The following ASCC3 variants were observed in gnomAD, a reference collection of about 807,000 sequenced individuals.
ASCC3 encodes activating signal cointegrator 1 complex subunit 3, also known as ASC-1 complex subunit P200.
ASCC3 carries 158 observed loss-of-function variants against 256.3 expected under a neutral mutation model. The observed-to-expected ratio is 0.62, with a 90% CI of 0.54 to 0.70. The LOEUF (loss-of-function observed/expected upper bound fraction) is 0.70. Ranked by LOEUF, ASCC3 falls within the 30% of genes least tolerant of loss-of-function variation. The pLI is 0.00. For synonymous variants in ASCC3, 948 were observed against 883.4 expected (o/e 1.07, Z -1.30); for missense variants, 2,259 against 2,626.0 (o/e 0.86, Z 3.05).
rs556985950 is a variant in ASCC3 at position 100,593,168 on chromosome 6, G to A, written c.5304-3109C>T. ...TTTAATGATTCTAATAGCCAGAAGC[G>A]TACTGAGAAAGCCAGCGGGATCACA... is the stretch of plus-strand genomic sequence containing the variant. On this transcript the variant is annotated intron_variant, in intron 34 of 41. Transcript: ENST00000369162. Among the ~76,000 whole-genome samples, 31 of 152,200 alleles carry A rather than the reference G, an allele frequency of 2.0e-4. 1 individual carries two copies. Among genetic ancestry groups the A allele is most frequent in the Non-Finnish European group, 3.5e-4 (24 of 67,974 alleles).
intron 13 of ASCC3, among the ~76,000 whole-genome samples, chr6:100,688,615 G>A (rs893122765): frequency 6.6e-6 from 1 of 152,136 alleles, no homozygotes; most frequent in African/African-American, 2.4e-5. Flanking sequence ...TAATTCAGAT[G>A]CGTCTCTCTT....
intron 30 of ASCC3, among the ~76,000 whole-genome samples, chr6:100,623,075 G>A (rs778042758): frequency 2.6e-5 from 4 of 152,008 alleles, no homozygotes; most frequent in Non-Finnish European, 5.9e-5. Flanking sequence ...TAAGCCTAGA[G>A]AGATACCACA....
In ASCC3 at chr6:100,739,250, C is replaced by T. The variant is rs71571409; in HGVS notation, c.1738-13547G>A. ...TTATACAATGAATCACATTTATTCA[C>T]TTGCATATGTTGAACCAGCCTTGCA... On this transcript the variant is annotated intron_variant, in intron 10 of 41. Transcript: ENST00000369162. Among the ~76,000 whole-genome samples, 7 of 152,224 alleles carry T rather than the reference C, an allele frequency of 4.6e-5. No homozygotes were observed. The South Asian group carries it at 1.5e-3, about 32-fold the overall frequency.
At chr6:100,580,604 T>C (rs1191547215) in intron 36 of ASCC3, among the ~76,000 whole-genome samples, 2 of 151,586 alleles carry the variant, frequency 1.3e-5, no homozygotes, top group Non-Finnish European at 1.5e-5. Flanking sequence ...TATTATACTT[T>C]AAGTTTTAGG....
intron 37 of ASCC3, among the ~76,000 whole-genome samples, chr6:100,539,502 C>T (rs968969533): frequency 1.3e-5 from 2 of 151,976 alleles, no homozygotes; most frequent in African/African-American, 4.8e-5. Context: ...AACTGCAATA[C>T]TTCTCACTTT....
chr6:100,767,587 A>G (rs945112535), intron 8 of ASCC3, among the ~76,000 whole-genome samples: 3 of 141,594 alleles, frequency 2.1e-5, no homozygotes, highest in Admixed American at 7.5e-5. Context: ...CACTATACCT[A>G]TATTTTAGAA....
At chr6:100,537,685 A>G (rs1003347319) in intron 37 of ASCC3, among the ~76,000 whole-genome samples, 4 of 152,006 alleles carry the variant, frequency 2.6e-5, no homozygotes, top group Admixed American at 6.5e-5. Flanking sequence ...GAAAAAAAGA[A>G]AAGACCCTCA....
At position 100,629,200 on chromosome 6, in the gene ASCC3, A is replaced by G. The variant is rs1774411571; in HGVS notation, c.4209-19T>C. The stretch of plus-strand genomic sequence containing the variant: ...AATAACTCTGGAGGGAAATATAACA[A>G]TGATCCCAGAAACTTTTCAGGTAAC... On this transcript the variant is annotated intron_variant, in intron 26 of 41. Transcript: ENST00000369162. The G allele has an allele frequency of 6.2e-7, 1 of 1,610,288 alleles. No individual in the cohort carries two copies. The highest frequency in any genetic ancestry group is 1.3e-5 in the African/African-American group (1 of 74,852).
At chr6:100,702,344 G>A (rs531413395) in intron 13 of ASCC3, among the ~76,000 whole-genome samples, 38 of 152,264 alleles carry the variant, frequency 2.5e-4, no homozygotes, top group African/African-American at 8.7e-4. Context: ...TCTGGCTTAT[G>A]GAACTAAATC....
intron 23 of ASCC3, among the ~76,000 whole-genome samples, chr6:100,643,212 A>G (rs1311460354): frequency 6.6e-6 from 1 of 152,186 alleles, no homozygotes; most frequent in African/African-American, 2.4e-5. Context: ...ATGAAATTCT[A>G]CTGTTGCCTA....
chr6:100,630,962 A>G (rs974561488), intron 26 of ASCC3, among the ~76,000 whole-genome samples, 166 bp downstream of exon 26: 2 of 152,106 alleles, frequency 1.3e-5, no homozygotes, highest in East Asian at 3.8e-4. Flanking sequence ...TAGTAGGTAC[A>G]TATCTTTAAA....
intron 14 of ASCC3, among the ~76,000 whole-genome samples, chr6:100,666,154 C>T (rs1351709717): frequency 2.0e-5 from 3 of 152,070 alleles, no homozygotes; most frequent in Non-Finnish European, 4.4e-5. Context: ...TATCTCATTC[C>T]TTTTTATTGC....
intron 18 of ASCC3, among the ~76,000 whole-genome samples, chr6:100,651,963 G>A (rs1036813300): frequency 2.0e-5 from 3 of 151,962 alleles, no homozygotes; most frequent in African/African-American, 4.8e-5. Context: ...CTTATTTTCA[G>A]CATGGCCATG....
chr6:100,771,538 A>AATATAT (rs143178446), intron 8 of ASCC3, among the ~76,000 whole-genome samples: 1 of 22,686 alleles, frequency 4.4e-5, no homozygotes, highest in Admixed American at 9.0e-4. Flanking sequence ...TTATACGTAG[A>AATATAT]ATAAAAAAAC....
chr6:100,683,926 T>A (rs2114971853), intron 13 of ASCC3, among the ~76,000 whole-genome samples: 1 of 152,270 alleles, frequency 6.6e-6, no homozygotes, highest in Non-Finnish European at 1.5e-5. Flanking sequence ...CCTTTTATAT[T>A]TAAAATACAT....
chr6:100,715,451 A>C lies in ASCC3; in HGVS notation c.2151+11T>G. 1 of 1,604,002 alleles carries C rather than the reference A, an allele frequency of 6.2e-7. No individual in the cohort carries two copies. Among genetic ancestry groups the C allele is most frequent in the Non-Finnish European group, 8.5e-7 (1 of 1,171,912 alleles). On this transcript the variant is annotated intron_variant, in intron 13 of 41. Coordinates refer to ENST00000369162, the MANE Select transcript of ASCC3 (RefSeq NM_006828.4). ...GATAAATAAGTGTAAAAGCAGATAA[A>C]ATAAGTGTACCTGGTGTCCAGCCTT... is the stretch of plus-strand genomic sequence containing the variant.
chr6:100,828,837 A>G lies in ASCC3; in HGVS notation c.801+19311T>C, dbSNP rs557212167. 1.3e-4 allele frequency among the ~76,000 whole-genome samples: 20 copies of G among 152,122 alleles called. No homozygotes were observed. In the South Asian group the frequency reaches 4.2e-3, roughly 32 times the overall value. On this transcript the variant is annotated intron_variant, in intron 4 of 41. Transcript: ENST00000369162. ...AAGAACAAAGCTTCCACAGTGTGGA[A>G]GCGGACCCAAGCAGGTTGCCACTGC...
intron 36 of ASCC3, among the ~76,000 whole-genome samples, chr6:100,553,556 C>T (rs1769412685): frequency 6.6e-6 from 1 of 151,976 alleles, no homozygotes; most frequent in Admixed American, 6.6e-5. Flanking sequence ...GCTGGACAGA[C>T]TACTAACTGC....
chr6:100,529,361 G>A (rs1774751275), intron 37 of ASCC3, among the ~76,000 whole-genome samples: 1 of 151,966 alleles, frequency 6.6e-6, no homozygotes, highest in Non-Finnish European at 1.5e-5. Context: ...AGTTTATATA[G>A]CATAATATAA....
Sources: allele counts gnomAD v4.1 joint callset (sites outside exome capture counted in the v4.1 genomes callset), GRCh38; gene constraint gnomAD v4.1.1; transcripts MANE v1.5; gene names NCBI Gene and HGNC (gene_info 2026-07-23, HGNC 2026-07-21).